KCNAB1: variants seen among roughly 807,000 people sequenced by gnomAD.
KCNAB1 encodes the protein voltage-gated potassium channel subunit beta-1.
In KCNAB1, 35 loss-of-function variants were observed where a neutral mutation model predicts 64.6. The observed-to-expected ratio is 0.54, with a 90% CI of 0.41 to 0.72. KCNAB1 has a LOEUF of 0.72. Among genes scored for constraint, KCNAB1 ranks in the 30% least tolerant of loss-of-function variants. The probability of loss-of-function intolerance (pLI) is 0.00; values close to 1 mark genes in which losing one functional copy is unlikely to be tolerated. For synonymous variants in KCNAB1, 177 were observed against 183.8 expected, an observed-to-expected ratio of 0.96 and a Z score of 0.30; for missense variants, 401 against 512.9, an observed-to-expected ratio of 0.78 and a Z score of 2.11.
Position 156,233,447 on chromosome 3 carries a change from A to G in KCNAB1, c.275+112561A>G, listed in dbSNP as rs76004627. ...CCAATGAACTGAAGGACCAGCAATGAGGTGGGTGAGGCTGGAGGGAGAGGG... is the reference window on the plus strand; with the variant it reads ...CCAATGAACTGAAGGACCAGCAATGGGGTGGGTGAGGCTGGAGGGAGAGGG... On this transcript the variant is annotated intron_variant, in intron 1 of 13. Transcript: ENST00000490337. 9.1e-3 allele frequency among the ~76,000 whole-genome samples: 1,380 copies of G among 152,272 alleles called. 33 individuals are homozygous for G. The highest frequency in any genetic ancestry group is 0.031 in the African/African-American group (1,279 of 41,558).
At chr3:156,357,850 C>A (rs932837323) in intron 1 of KCNAB1, among the ~76,000 whole-genome samples, 1 of 145,614 alleles carries the variant, frequency 6.9e-6, no homozygotes, top group Non-Finnish European at 1.5e-5. Flanking sequence ...AGTTTTTATA[C>A]TAAATCTTCA....
intron 1 of KCNAB1, among the ~76,000 whole-genome samples, chr3:156,156,123 G>A (rs114056904): frequency 0.016 from 2,427 of 152,246 alleles, 47 homozygotes; most frequent in Non-Finnish European, 0.019. Context: ...TAAATACTTA[G>A]CCTAGACTAT....
At chr3:156,266,549 A>G (rs1473239114) in intron 1 of KCNAB1, among the ~76,000 whole-genome samples, 1 of 152,234 alleles carries the variant, frequency 6.6e-6, no homozygotes, top group Non-Finnish European at 1.5e-5. Flanking sequence ...ACTATGGACT[A>G]AAGCTTCTCT....
intron 1 of KCNAB1, among the ~76,000 whole-genome samples, chr3:156,401,672 A>G (rs956168229): frequency 6.6e-6 from 1 of 152,226 alleles, no homozygotes; most frequent in African/African-American, 2.4e-5. Flanking sequence ...CAGCCACCCA[A>G]TGAAATCTGC....
intron 1 of KCNAB1, among the ~76,000 whole-genome samples, chr3:156,420,909 C>T (rs1191283772): frequency 2.0e-5 from 3 of 151,160 alleles, no homozygotes; most frequent in Non-Finnish European, 2.9e-5. Flanking sequence ...TCTGATGTTC[C>T]CGTGGTAATT....
intron 1 of KCNAB1, among the ~76,000 whole-genome samples, chr3:156,227,005 A>T (rs1053804462): frequency 6.6e-6 from 1 of 152,248 alleles, no homozygotes; most frequent in Non-Finnish European, 1.5e-5. Context: ...TAAGGATTCC[A>T]TAGAAATAAA....
chr3:156,194,206 G>T (rs562377948), intron 1 of KCNAB1, among the ~76,000 whole-genome samples: 1 of 150,790 alleles, frequency 6.6e-6, no homozygotes, highest in South Asian at 2.3e-4. Context: ...TATAGAACCA[G>T]GTTTCCATTT....
intron 1 of KCNAB1, chr3:156,176,340 G>T (rs987435648): frequency 1.8e-5 from 15 of 836,772 alleles, no homozygotes; most frequent in Middle Eastern, 2.2e-4. Context: ...CTAACACCTG[G>T]TACATGTTCT....
rs1441775165 is a variant in KCNAB1, at chr3:156,166,528, TATAC to T, written c.275+45644_275+45647del. Among the ~76,000 whole-genome samples the T allele has an allele frequency of 1.1e-3, 165 of 145,186 alleles. 1 individual carries two copies. The highest frequency in any genetic ancestry group is 3.8e-3 in the African/African-American group (149 of 38,718). The stretch of plus-strand genomic sequence containing the variant: ...GCTAGACAAATTTAAAAAATACATA[TATAC>T]ACACACACACACACACACACACAGA... On this transcript the variant is annotated intron_variant, in intron 1 of 13. Transcript: ENST00000490337.
At chr3:156,388,000 C>T (rs916785553) in intron 1 of KCNAB1, among the ~76,000 whole-genome samples, 5 of 152,136 alleles carry the variant, frequency 3.3e-5, no homozygotes, top group African/African-American at 9.7e-5. Context: ...AAAAACATAT[C>T]GCTGCTATTT....
At chr3:156,325,705 CTCTTAGGGAGG>C (rs1722931058) in intron 1 of KCNAB1, among the ~76,000 whole-genome samples, 1 of 151,944 alleles carries the variant, frequency 6.6e-6, no homozygotes, top group South Asian at 2.1e-4. Context: ...GTAATCCCAT[CTCTTAGGGAGG>C]CAGAGATGAG....
At chr3:156,397,547 G>T (rs112412358) in intron 1 of KCNAB1, among the ~76,000 whole-genome samples, 1 of 152,122 alleles carries the variant, frequency 6.6e-6, no homozygotes. Context: ...ATGTGACAGT[G>T]CTCCCTGCCT....
chr3:156,319,894 A>G (rs1376453131), intron 1 of KCNAB1, among the ~76,000 whole-genome samples: 1 of 152,174 alleles, frequency 6.6e-6, no homozygotes, highest in East Asian at 1.9e-4. Context: ...GTACCATGTT[A>G]CTATTCTGGG....
chr3:156,121,135 A>G (rs1713318619), intron 1 of KCNAB1, among the ~76,000 whole-genome samples: 1 of 152,228 alleles, frequency 6.6e-6, no homozygotes, highest in African/African-American at 2.4e-5. Flanking sequence ...AGCTGACAGG[A>G]CAAAAGAGCA....
intron 1 of KCNAB1, among the ~76,000 whole-genome samples, chr3:156,198,426 T>G (rs1048577086): frequency 6.6e-6 from 1 of 152,148 alleles, no homozygotes; most frequent in Non-Finnish European, 1.5e-5. Context: ...GGAGTCTAAG[T>G]CTCTTTGTAG....
At chr3:156,122,021 A>G (rs918650380) in intron 1 of KCNAB1, among the ~76,000 whole-genome samples, 2 of 152,240 alleles carry the variant, frequency 1.3e-5, no homozygotes, top group African/African-American at 2.4e-5. Flanking sequence ...TTTAAAACCT[A>G]AACTATTATT....
At chr3:156,246,262 T>C (rs1717444939) in intron 1 of KCNAB1, among the ~76,000 whole-genome samples, 1 of 152,128 alleles carries the variant, frequency 6.6e-6, no homozygotes, top group Non-Finnish European at 1.5e-5. Context: ...AATCAGGTAG[T>C]AGGAGTGAGA....
chr3:156,536,884 AG>A lies in KCNAB1; in HGVS notation c.*139del. ...CTAGTGTCCCTCCCTGGATTCTTTG[AG>A]GTGTCTGCTGTCGCTACCACTGTGC... is the stretch of plus-strand genomic sequence containing the variant. On this transcript the variant is annotated 3_prime_UTR_variant, in exon 14 of 14. Transcript: ENST00000490337. 1 of 653,344 alleles carries A rather than the reference AG, an allele frequency of 1.5e-6. No individual in the cohort carries two copies. Among genetic ancestry groups the A allele is most frequent in the Non-Finnish European group, 2.7e-6 (1 of 366,920 alleles). The allele number at this position is 653,344 out of a possible 1,614,324, so 40.5% of individuals were successfully genotyped here. A position where few individuals can be genotyped will look rare whatever the true frequency, so the allele number is the denominator to read the frequency against.
chr3:156,330,495 G>C (rs570210077), intron 1 of KCNAB1, among the ~76,000 whole-genome samples: 1 of 152,238 alleles, frequency 6.6e-6, no homozygotes, highest in East Asian at 1.9e-4. Flanking sequence ...ATTTTACTCT[G>C]TTGCCCCCAG....
Sources: gnomAD v4.1 joint callset for allele counts (sites outside exome capture counted in the v4.1 genomes callset) on GRCh38, gnomAD v4.1.1 for gene constraint, MANE v1.5 for transcripts, NCBI Gene and HGNC (gene_info 2026-07-23, HGNC 2026-07-21) for gene names.